The following GPR107 variants were observed in gnomAD, a reference collection of about 807,000 sequenced individuals.
GPR107 encodes G protein-coupled receptor 107, also known as protein GPR107.
Under a neutral mutation model 75.5 loss-of-function variants are expected in GPR107, and 31 were observed. That is an observed-to-expected ratio of 0.41 (90% CI 0.31 to 0.55). The LOEUF is 0.55. Among genes scored for constraint, GPR107 ranks in the 20% least tolerant of loss-of-function variants. GPR107 has a pLI of 0.26. For missense variants in GPR107, 572 were observed against 665.7 expected, an observed-to-expected ratio of 0.86 and a Z score of 1.55; for synonymous variants, 267 against 251.3, an observed-to-expected ratio of 1.06 and a Z score of -0.59.
intron 9 of GPR107, among the ~76,000 whole-genome samples, chr9:130,097,938 A>G (rs897182968): frequency 3.3e-5 from 5 of 151,032 alleles, no homozygotes; most frequent in Non-Finnish European, 7.4e-5. Context: ...CTGGAGTGCA[A>G]TGGCACAGTC....
intron 15 of GPR107, 58 bp downstream of exon 15, chr9:130,125,022 G>C: frequency 2.7e-6 from 2 of 746,064 alleles, no homozygotes; most frequent in Non-Finnish European, 4.1e-6. Context: ...AAGGAGTAGA[G>C]CAAATGAACT....
rs994466119 is a variant in GPR107, at chr9:130,139,395, G to A, written c.*4274G>A. ...ACCACCTGGAACGTAGTTATCGGTC[G>A]GCAGGCTGAACATACTCCAGATTCC... is the stretch of plus-strand genomic sequence containing the variant. On this transcript the variant is annotated 3_prime_UTR_variant, in exon 18 of 18. Transcript: ENST00000347136. 6 of 152,154 alleles carry A rather than the reference G, an allele frequency of 3.9e-5. No individual in the cohort carries two copies. Among genetic ancestry groups the A allele is most frequent in the African/African-American group, 1.4e-4 (6 of 41,418 alleles). 9.4% of individuals were successfully genotyped at this position (152,154 alleles called of 1,614,324 possible).
At chr9:130,102,328 G>A (rs2132611819) in intron 12 of GPR107, among the ~76,000 whole-genome samples, 1 of 152,320 alleles carries the variant, frequency 6.6e-6, no homozygotes, top group Admixed American at 6.5e-5. Flanking sequence ...GACGGAGACT[G>A]GGTTGTCACC....
At chr9:130,113,420 C>T (rs557155308) in intron 14 of GPR107, among the ~76,000 whole-genome samples, 18 of 151,610 alleles carry the variant, frequency 1.2e-4, no homozygotes, top group Admixed American at 3.9e-4. Flanking sequence ...TTTGTAGAGA[C>T]GGGGTCTCAA....
intron 14 of GPR107, 119 bp downstream of exon 14, chr9:130,107,658 C>G (rs1467647474): frequency 1.3e-6 from 1 of 779,850 alleles, no homozygotes; most frequent in East Asian, 2.5e-5. Flanking sequence ...GGGAGGAGAG[C>G]TAGGGGAGGC....
intron 17 of GPR107, among the ~76,000 whole-genome samples, chr9:130,134,420 G>C (rs1049169098): frequency 6.6e-6 from 1 of 152,200 alleles, no homozygotes. Context: ...AACAGACAGA[G>C]CCCCGGGAGC....
chr9:130,062,246 C>G (rs1012715814), intron 1 of GPR107, among the ~76,000 whole-genome samples: 1 of 151,454 alleles, frequency 6.6e-6, no homozygotes, highest in African/African-American at 2.4e-5. Context: ...AACCCCATCT[C>G]TACTAAAAAT....
chr9:130,086,846 A>C (rs1489669562), intron 7 of GPR107, among the ~76,000 whole-genome samples: 2 of 152,108 alleles, frequency 1.3e-5, no homozygotes, highest in Non-Finnish European at 2.9e-5. Context: ...ATGATGATTT[A>C]CGGTGATGTT....
At chr9:130,076,271 T>G (rs1320467965) in intron 2 of GPR107, 141 bp from the exon 3 acceptor site, 1 of 568,228 alleles carries the variant, frequency 1.8e-6, no homozygotes, top group Non-Finnish European at 3.2e-6. Context: ...GCTTGAGTGA[T>G]TTTACTTTGC....
chr9:130,086,384 G>A lies in GPR107; in HGVS notation c.565-36G>A, dbSNP rs749707820. The A allele has an allele frequency of 2.7e-5, 26 of 949,190 alleles. No individual in the cohort carries two copies. The Middle Eastern group carries it at 1.1e-3, about 39-fold the overall frequency. 58.8% of individuals were successfully genotyped at this position (949,190 alleles called of 1,614,324 possible). On this transcript the variant is annotated intron_variant, in intron 6 of 17. Transcript: ENST00000347136. The stretch of plus-strand genomic sequence containing the variant: ...CTTTTAATTAGCATGCTTCTATGCC[G>A]GTGTCATCCTAAAACATACTATTAT...
chr9:130,108,580 C>G (rs1315537254), intron 14 of GPR107, among the ~76,000 whole-genome samples: 3 of 152,204 alleles, frequency 2.0e-5, no homozygotes, highest in South Asian at 4.1e-4. Context: ...TTCCTGCTGT[C>G]CAGGTTCACG....
intron 6 of GPR107, among the ~76,000 whole-genome samples, chr9:130,084,244 A>G (rs1000872539): frequency 5.9e-5 from 9 of 151,434 alleles, no homozygotes; most frequent in Non-Finnish European, 1.3e-4. Context: ...CTAAAAATAC[A>G]AAAATTAGCT....
intron 15 of GPR107, among the ~76,000 whole-genome samples, chr9:130,127,243 C>T (rs977985714): frequency 6.6e-6 from 1 of 152,046 alleles, no homozygotes; most frequent in Non-Finnish European, 1.5e-5. Context: ...CTTGTGCTCC[C>T]GGTGGGTGTG....
intron 17 of GPR107, among the ~76,000 whole-genome samples, chr9:130,130,741 G>C (rs1313853700): frequency 1.3e-5 from 2 of 151,992 alleles, no homozygotes; most frequent in Non-Finnish European, 2.9e-5. Context: ...GTGGTGGCAG[G>C]CACCTGTAAT....
chr9:130,131,129 G>A (rs1831818259), intron 17 of GPR107, among the ~76,000 whole-genome samples: 1 of 152,196 alleles, frequency 6.6e-6, no homozygotes, highest in African/African-American at 2.4e-5. Flanking sequence ...AGGACACCTA[G>A]TGAGGTGGCT....
At chr9:130,100,131 G>A (rs970188795) in intron 10 of GPR107, among the ~76,000 whole-genome samples, 14 of 151,916 alleles carry the variant, frequency 9.2e-5, no homozygotes, top group Non-Finnish European at 8.8e-5. Flanking sequence ...TCCTGACCTC[G>A]TGATCCGCCC....
intron 17 of GPR107, among the ~76,000 whole-genome samples, chr9:130,134,172 C>A (rs1409017539): frequency 6.6e-6 from 1 of 152,132 alleles, no homozygotes; most frequent in East Asian, 1.9e-4. Flanking sequence ...CTTTTGACAC[C>A]CAGTATCTCT....
chr9:130,131,221 A>G (rs1554899021), intron 17 of GPR107, among the ~76,000 whole-genome samples: 3 of 152,004 alleles, frequency 2.0e-5, no homozygotes, highest in African/African-American at 7.3e-5. Flanking sequence ...CTCTCTTCTC[A>G]CTGCTGCAGA....
intron 1 of GPR107, among the ~76,000 whole-genome samples, chr9:130,062,207 G>A (rs1179896435): frequency 6.6e-6 from 1 of 151,834 alleles, no homozygotes; most frequent in Non-Finnish European, 1.5e-5. Context: ...CTGAGGTCGG[G>A]TTTGAGACCA....
Sources: allele counts gnomAD v4.1 joint callset (sites outside exome capture counted in the v4.1 genomes callset), GRCh38; gene constraint gnomAD v4.1.1; transcripts MANE v1.5; gene names NCBI Gene and HGNC (gene_info 2026-07-23, HGNC 2026-07-21).